NSMCE2: variants seen among roughly 807,000 people sequenced by gnomAD.
NSMCE2 encodes the protein E3 SUMO-protein ligase NSE2.
In NSMCE2, 24 loss-of-function variants were observed where a neutral mutation model predicts 23.8. That is an observed-to-expected ratio of 1.01 (90% CI 0.73 to 1.42). The LOEUF is 1.42. NSMCE2 is among the 40% of genes most tolerant of loss of function. NSMCE2 has a pLI of 0.00. For synonymous variants in NSMCE2, 92 were observed against 94.1 expected, an observed-to-expected ratio of 0.98 and a Z score of 0.13; for missense variants, 284 against 296.5, an observed-to-expected ratio of 0.96 and a Z score of 0.31.
chr8:125,151,896 CTT>C (rs1821052610), intron 4 of NSMCE2, among the ~76,000 whole-genome samples: 3 of 152,266 alleles, frequency 2.0e-5, no homozygotes, highest in African/African-American at 7.2e-5. Flanking sequence ...TCTGAGAAGT[CTT>C]TTGTCCTCTG....
intron 5 of NSMCE2, among the ~76,000 whole-genome samples, chr8:125,286,247 A>G (rs1299783916): frequency 1.3e-5 from 2 of 152,036 alleles, no homozygotes; most frequent in Non-Finnish European, 2.9e-5. Context: ...CCACCAAAAA[A>G]TTATCCAATG....
At chr8:125,108,255 T>C (rs763901725) in intron 3 of NSMCE2, among the ~76,000 whole-genome samples, 5 of 152,174 alleles carry the variant, frequency 3.3e-5, no homozygotes, top group Non-Finnish European at 4.4e-5. Context: ...TCACTCCCAC[T>C]GGGGTAATTC....
At chr8:125,149,738 TCTGA>T (rs1350679963) in intron 3 of NSMCE2, among the ~76,000 whole-genome samples, 3 of 152,224 alleles carry the variant, frequency 2.0e-5, no homozygotes, top group African/African-American at 7.2e-5. Flanking sequence ...TGTTTCTTAT[TCTGA>T]CTAATATAAA....
intron 5 of NSMCE2, among the ~76,000 whole-genome samples, chr8:125,356,058 A>G (rs1226987972): frequency 6.6e-6 from 1 of 151,884 alleles, no homozygotes; most frequent in East Asian, 1.9e-4. Flanking sequence ...TGCCTGTTTC[A>G]CTCTCATTCT....
At chr8:125,181,569 G>A (rs1189496107) in intron 4 of NSMCE2, among the ~76,000 whole-genome samples, 1 of 152,264 alleles carries the variant, frequency 6.6e-6, no homozygotes, top group African/African-American at 2.4e-5. Context: ...AACATGGGTT[G>A]AGAATTTAGC....
chr8:125,265,673 T>G (rs1038778003), intron 5 of NSMCE2, among the ~76,000 whole-genome samples: 1 of 152,270 alleles, frequency 6.6e-6, no homozygotes, highest in Non-Finnish European at 1.5e-5. Flanking sequence ...GATTTAATTC[T>G]GTAGGTCATA....
chr8:125,233,696 T>C (rs957416188), intron 5 of NSMCE2, among the ~76,000 whole-genome samples: 2 of 152,138 alleles, frequency 1.3e-5, no homozygotes, highest in Non-Finnish European at 2.9e-5. Flanking sequence ...AAAACAGAGA[T>C]GGAGGAGATG....
At chr8:125,140,932 A>T (rs1008995513) in intron 3 of NSMCE2, among the ~76,000 whole-genome samples, 1 of 152,178 alleles carries the variant, frequency 6.6e-6, no homozygotes, top group Non-Finnish European at 1.5e-5. Flanking sequence ...GACAAGAAAG[A>T]TGTGGAAAAA....
At chr8:125,363,197 T>G (rs888620113) in intron 7 of NSMCE2, 1 of 152,150 alleles carries the variant, frequency 6.6e-6, no homozygotes, top group African/African-American at 2.4e-5. Flanking sequence ...TTAGCTGCTT[T>G]TTTTCATACT....
intron 5 of NSMCE2, among the ~76,000 whole-genome samples, chr8:125,239,793 T>G (rs1270379242): frequency 6.6e-6 from 1 of 152,148 alleles, no homozygotes; most frequent in Admixed American, 6.5e-5. Context: ...TTTCAGAACT[T>G]ACATACATTT....
At chr8:125,274,501 G>T (rs138649337) in intron 5 of NSMCE2, among the ~76,000 whole-genome samples, 14 of 152,062 alleles carry the variant, frequency 9.2e-5, no homozygotes, top group Non-Finnish European at 1.9e-4. Flanking sequence ...CCAGTTTTCA[G>T]TTAGACAAGT....
intron 5 of NSMCE2, among the ~76,000 whole-genome samples, chr8:125,257,977 A>G (rs1035501407): frequency 6.6e-6 from 1 of 152,196 alleles, no homozygotes; most frequent in Non-Finnish European, 1.5e-5. Flanking sequence ...GATGGAAAAT[A>G]CGTAAATACT....
chr8:125,341,569 A>T (rs1188940071), intron 5 of NSMCE2, among the ~76,000 whole-genome samples: 2 of 151,632 alleles, frequency 1.3e-5, no homozygotes, highest in Non-Finnish European at 2.9e-5. Flanking sequence ...GCGTTGATTC[A>T]TCTGTTAGTT....
intron 5 of NSMCE2, among the ~76,000 whole-genome samples, chr8:125,241,029 T>C (rs1825747135): frequency 6.6e-6 from 1 of 152,180 alleles, no homozygotes; most frequent in Non-Finnish European, 1.5e-5. Flanking sequence ...AGAAGTGTTT[T>C]GGATTTCAGA....
At chr8:125,202,072 A>C (rs551371667) in intron 5 of NSMCE2, among the ~76,000 whole-genome samples, 1 of 152,372 alleles carries the variant, frequency 6.6e-6, no homozygotes, top group South Asian at 2.1e-4. Context: ...CCATGGGAAA[A>C]GCACAGTATT....
chr8:125,252,224 G>A (rs1586672890), intron 5 of NSMCE2, among the ~76,000 whole-genome samples: 1 of 152,142 alleles, frequency 6.6e-6, no homozygotes, highest in South Asian at 2.1e-4. Flanking sequence ...AGAAGCAAAT[G>A]TGTAAAATAA....
At chr8:125,286,951 T>C (rs1423008807) in intron 5 of NSMCE2, among the ~76,000 whole-genome samples, 2 of 152,142 alleles carry the variant, frequency 1.3e-5, no homozygotes, top group Non-Finnish European at 1.5e-5. Flanking sequence ...TAGACGCCAA[T>C]TGGGAGGTGA....
chr8:125,203,555 G>C (rs554328946), intron 5 of NSMCE2, among the ~76,000 whole-genome samples: 16 of 152,256 alleles, frequency 1.1e-4, no homozygotes, highest in African/African-American at 3.9e-4. Context: ...ACAGTTTTAA[G>C]TTCATAGCAA....
chr8:125,321,466 A>G (rs944666017), intron 5 of NSMCE2, among the ~76,000 whole-genome samples: 1 of 152,218 alleles, frequency 6.6e-6, no homozygotes, highest in Non-Finnish European at 1.5e-5. Context: ...TATTTAAGGA[A>G]AAAGTAATAC....
Sources: allele counts gnomAD v4.1 joint callset (sites outside exome capture counted in the v4.1 genomes callset), GRCh38; gene constraint gnomAD v4.1.1; transcripts MANE v1.5; gene names NCBI Gene and HGNC (gene_info 2026-07-23, HGNC 2026-07-21).